LOXHD1: variants seen among roughly 807,000 people sequenced by gnomAD.
LOXHD1 encodes the protein lipoxygenase homology PLAT domains 1.
Under a neutral mutation model 248.2 loss-of-function variants are expected in LOXHD1, and 205 were observed. The ratio of observed to expected loss-of-function variants is 0.83; its 90% CI spans 0.74 to 0.93. LOXHD1 has a LOEUF of 0.93. LOXHD1 is among the 40% of genes least tolerant of loss of function. The pLI is 0.00. For missense variants in LOXHD1, 2,930 were observed against 2,971.6 expected (o/e 0.99, Z 0.33); for synonymous variants, 1,113 against 1,162.8 (o/e 0.96, Z 0.87).
intron 6 of LOXHD1, among the ~76,000 whole-genome samples, chr18:46,608,900 C>A (rs2038462853): frequency 6.6e-6 from 1 of 152,238 alleles, no homozygotes. Context: ...TCACTCAACA[C>A]CCTTTCCAAT....
Position 46,479,232 on chromosome 18 carries a change from A to ATGTG in LOXHD1, c.6342-1281_6342-1280insCACA, listed in dbSNP as rs1437862473. ...AGTTGAACAAAGAGTTTGTATATAT[A>ATGTG]TGTATGTGTGTGTGTGTGTGTGTGT... On this transcript the variant is annotated intron_variant, in intron 40 of 40. Coordinates refer to ENST00000642948, the MANE Select transcript of LOXHD1 (RefSeq NM_001384474.1). 2.8e-3 allele frequency among the ~76,000 whole-genome samples: 204 copies of ATGTG among 72,136 alleles called. 1 individual carries two copies. Among genetic ancestry groups the ATGTG allele is most frequent in the African/African-American group, 0.01 (190 of 18,506 alleles). The allele number at this position is 72,136 out of a possible 152,430, so 47.3% of individuals were successfully genotyped here. A position where few individuals can be genotyped will look rare whatever the true frequency, so the allele number is the denominator to read the frequency against.
At chr18:46,505,684 C>G (rs937546142) in intron 37 of LOXHD1, among the ~76,000 whole-genome samples, 154 bp downstream of exon 37, 2 of 152,186 alleles carry the variant, frequency 1.3e-5, no homozygotes, top group Non-Finnish European at 2.9e-5. Flanking sequence ...CTCTTTCATA[C>G]TGATGGAAGC....
At chr18:46,506,539 T>A (rs1450429) in intron 36 of LOXHD1, among the ~76,000 whole-genome samples, 1 of 152,098 alleles carries the variant, frequency 6.6e-6, no homozygotes, top group Non-Finnish European at 1.5e-5. Flanking sequence ...GTGAAGCTTT[T>A]CTGACACACA....
chr18:46,563,053 G>T lies in LOXHD1; in HGVS notation c.2598+12C>A. The T allele has an allele frequency of 6.5e-7, 1 of 1,529,862 alleles. No individual in the cohort carries two copies. The highest frequency in any genetic ancestry group is 1.2e-5 in the South Asian group (1 of 83,320). The allele number at this position is 1,529,862 out of a possible 1,614,324, so 94.8% of individuals were successfully genotyped here. ...CCTGCTGTTGGCACCCCCGCTCCTC[G>T]ACCCCACATACCTGGAATGTGTCCT... On this transcript the variant is annotated intron_variant, in intron 18 of 40. Coordinates refer to ENST00000642948, the MANE Select transcript of LOXHD1 (RefSeq NM_001384474.1).
chr18:46,532,244 T>C (rs2036103868), intron 28 of LOXHD1, among the ~76,000 whole-genome samples: 1 of 152,252 alleles, frequency 6.6e-6, no homozygotes, highest in Admixed American at 6.5e-5. Context: ...GTAGAAAGTC[T>C]GTTTTTTGCA....
chr18:46,574,450 ACCTGGTTTGT>A (rs1489860594), intron 14 of LOXHD1, among the ~76,000 whole-genome samples: 1 of 142,762 alleles, frequency 7.0e-6, no homozygotes, highest in Non-Finnish European at 1.5e-5. Context: ...TGATAAATAG[ACCTGGTTTGT>A]CCTCCTCTCC....
downstream of LOXHD1, chr18:46,477,187 C>A (rs975442350): frequency 2.8e-6 from 2 of 720,500 alleles, no homozygotes; most frequent in African/African-American, 3.5e-5. Flanking sequence ...AATTTCTCAT[C>A]CACACTCTGC....
rs1401069930 is a variant in LOXHD1 at position 46,477,502 on chromosome 18, G to A, written c.6792C>T (p.Leu2264=). The A allele has an allele frequency of 2.6e-6, 4 of 1,550,434 alleles. No homozygotes were observed. The highest frequency in any genetic ancestry group is 2.4e-5 in the South Asian group (2 of 84,006). ...CAGAAGGGAAGAGGTCTCTCCAGGT[G>A]AGTCCATCCCCCCGCTTCTTGTCCA... The part of the protein sequence containing the change: ...RWLDKKRGDG[L]TWRDLFPSV Residue 2264 remains leucine (L), a synonymous_variant, in exon 41 of 41, where the codon CTC becomes CTT. Coordinates refer to ENST00000642948, the MANE Select transcript of LOXHD1 (RefSeq NM_001384474.1).
chr18:46,651,651 T>TA (rs568039573), intron 1 of LOXHD1, among the ~76,000 whole-genome samples: 4 of 151,104 alleles, frequency 2.6e-5, no homozygotes, highest in Admixed American at 6.6e-5. Context: ...CACAAACCAT[T>TA]AAAAAAAACT....
chr18:46,589,561 A>C (rs1200752425), intron 12 of LOXHD1, among the ~76,000 whole-genome samples: 1 of 152,228 alleles, frequency 6.6e-6, no homozygotes, highest in Admixed American at 6.5e-5. Flanking sequence ...TGCTTGACAA[A>C]ATGCATATTA....
chr18:46,583,740 A>G (rs2038005986), intron 12 of LOXHD1, among the ~76,000 whole-genome samples: 1 of 152,204 alleles, frequency 6.6e-6, no homozygotes, highest in Admixed American at 6.5e-5. Context: ...TATGGGTAAG[A>G]GTGCAAACTA....
chr18:46,511,554 C>G (rs1356973057), intron 34 of LOXHD1, among the ~76,000 whole-genome samples: 1 of 152,258 alleles, frequency 6.6e-6, no homozygotes, highest in East Asian at 1.9e-4. Context: ...CCAGCAACCA[C>G]TCCCTCACTG....
chr18:46,505,840 T>C lies in LOXHD1; in HGVS notation c.5876A>G (p.Lys1959Arg), dbSNP rs756645393. The change falls in exon 37 of 41, where the codon AAA becomes AGA. Residue 1959 changes from lysine to arginine, a missense_variant and splice_region_variant. Lys to Arg is a conservative substitution (Grantham distance 26). Coordinates refer to ENST00000642948, the MANE Select transcript of LOXHD1 (RefSeq NM_001384474.1). ...ACCTGGCCTTGAGTGGGAGCTACCT[T>C]TGTTGTCGTGCCAGACCCTCAGCTT... is the stretch of plus-strand genomic sequence containing the variant. ...LCKLRVWHDN[K>R]GIFPGWHLSY... The C allele has an allele frequency of 6.4e-7, 1 of 1,551,538 alleles. No individual in the cohort carries two copies. Among genetic ancestry groups the C allele is most frequent in the South Asian group, 1.2e-5 (1 of 84,042 alleles).
rs1169003694 is a variant in LOXHD1, at chr18:46,522,181, C to A, written c.5005G>T (p.Gly1669Trp). ...SKRIWLDYPRGKRGFSRGSVE... is the reference protein window; with the variant it reads ...SKRIWLDYPRWKRGFSRGSVE... Reference sequence around the variant, plus strand: ...GAGCCACGGCTGAAGCCCCTCTTCCCTCGGGGGTAGTCCAACCAGATGCGC... The same window carrying A: ...GAGCCACGGCTGAAGCCCCTCTTCCATCGGGGGTAGTCCAACCAGATGCGC... Residue 1669 changes from glycine to tryptophan, a missense_variant, in exon 32 of 41, where the codon GGG (glycine) becomes TGG (tryptophan). By Grantham distance (184) the Gly-to-Trp change is radical. Coordinates refer to ENST00000642948, the MANE Select transcript of LOXHD1 (RefSeq NM_001384474.1). 1 of 1,551,744 alleles carries A rather than the reference C, an allele frequency of 6.4e-7. No individual in the cohort carries two copies.
At chr18:46,607,642 A>G (rs2038438416) in intron 6 of LOXHD1, among the ~76,000 whole-genome samples, 1 of 152,020 alleles carries the variant, frequency 6.6e-6, no homozygotes, top group South Asian at 2.1e-4. Context: ...TAGTTTTATA[A>G]GAAAAAATAA....
In LOXHD1 at chr18:46,560,305, C is replaced by T. The variant is rs371808826; in HGVS notation, c.2839G>A (p.Asp947Asn). Residue 947 changes from aspartate to asparagine, a missense_variant, in exon 19 of 41, where the codon GAC (aspartate) becomes AAC (asparagine). Asp to Asn is a conservative substitution (Grantham distance 23). Coordinates refer to ENST00000642948, the MANE Select transcript of LOXHD1 (RefSeq NM_001384474.1). ...QRKKKKRKGS[D>N]EEDEGEEEES... The stretch of plus-strand genomic sequence containing the variant: ...TCTTCCTCCCCCTCGTCCTCTTCGT[C>T]GCTGCCCTTCCTCTTCTTCTTCTTC... The T allele has an allele frequency of 1.0e-4, 158 of 1,551,970 alleles. No individual in the cohort carries two copies. The highest frequency in any genetic ancestry group is 1.6e-4 in the African/African-American group (12 of 73,162).
At chr18:46,629,101 G>A (rs916691461) in intron 4 of LOXHD1, among the ~76,000 whole-genome samples, 4 of 152,128 alleles carry the variant, frequency 2.6e-5, no homozygotes, top group Admixed American at 1.3e-4. Flanking sequence ...TGACCTCTCC[G>A]TCTCCCTTTG....
intron 18 of LOXHD1, among the ~76,000 whole-genome samples, chr18:46,561,843 C>T (rs768039048): frequency 6.6e-6 from 1 of 152,242 alleles, no homozygotes; most frequent in African/African-American, 2.4e-5. Flanking sequence ...TAGCTCTCCT[C>T]TTCAGCATTT....
intron 4 of LOXHD1, among the ~76,000 whole-genome samples, chr18:46,631,281 A>G (rs945291242): frequency 6.6e-6 from 1 of 152,136 alleles, no homozygotes; most frequent in Non-Finnish European, 1.5e-5. Context: ...TTGGCAATGT[A>G]TCCATCTCAA....
Sources: allele counts gnomAD v4.1 joint callset (sites outside exome capture counted in the v4.1 genomes callset), GRCh38; gene constraint gnomAD v4.1.1; transcripts MANE v1.5; gene names NCBI Gene and HGNC (gene_info 2026-07-23, HGNC 2026-07-21).